Variants in FNDC1 observed in about 807,000 individuals in gnomAD.
FNDC1 encodes the protein fibronectin type III domain-containing protein 1.
A neutral mutation model predicts 168.0 loss-of-function variants in FNDC1; 96 were observed. That is an observed-to-expected ratio of 0.57 (90% CI 0.48 to 0.68). FNDC1 has a LOEUF of 0.68. FNDC1 is among the 30% of genes least tolerant of loss of function. The probability of loss-of-function intolerance (pLI) is 0.00; values close to 1 mark genes in which losing one functional copy is unlikely to be tolerated. For missense variants in FNDC1, 2,587 were observed against 2,482.1 expected, an observed-to-expected ratio of 1.04 and a Z score of -0.90; for synonymous variants, 1,099 against 1,025.9, an observed-to-expected ratio of 1.07 and a Z score of -1.36.
Position 159,239,710 on chromosome 6 carries a change from G to A in FNDC1, c.4374G>A (p.Thr1458=), listed in dbSNP as rs770147936. 40 of 1,548,638 alleles carry A rather than the reference G, an allele frequency of 2.6e-5. No individual in the cohort carries two copies. The highest frequency in any genetic ancestry group is 2.2e-4 in the African/African-American group (16 of 72,828). The change falls in exon 14 of 23, where the codon ACG becomes ACA. Residue 1458 remains threonine (T), a synonymous_variant. Coordinates refer to ENST00000297267, the MANE Select transcript of FNDC1 (RefSeq NM_032532.3). ...TTTMQPTTTT[T]PLPTTTTPRP... ...CCATGCAGCCCACCACTACTACGAC[G>A]CCCCTGCCTACCACTACAACCCCGA...
chr6:159,224,856 A>G (rs445227), intron 7 of FNDC1, among the ~76,000 whole-genome samples: 58,408 of 152,092 alleles, frequency 0.38, 14,358 homozygotes, highest in East Asian at 0.73. Context: ...AATAAATGGC[A>G]TTTGCAGCTC....
At chr6:159,225,513 A>T (rs941603044) in intron 7 of FNDC1, 22 bp from the exon 8 acceptor site, 1 of 1,582,372 alleles carries the variant, frequency 6.3e-7, no homozygotes, top group Non-Finnish European at 8.6e-7. Context: ...TGGACAGATC[A>T]TTGTGTTGTG....
chr6:159,233,178 T>C lies in FNDC1; in HGVS notation c.2666T>C (p.Val889Ala). The C allele has an allele frequency of 6.2e-7, 1 of 1,610,776 alleles. No homozygotes were observed. The highest frequency in any genetic ancestry group is 2.2e-5 in the East Asian group (1 of 44,752). ...GATGAGAAGCCGCTTCCTGCCACCG[T>C]TGTCAATGACCACGTGCCTTCCTCC... is the stretch of plus-strand genomic sequence containing the variant. ...EEDEKPLPAT[V>A]VNDHVPSSSR... The change falls in exon 11 of 23, where the codon GTT (valine) becomes GCT (alanine). Residue 889 changes from valine (V) to alanine (A), a missense_variant. Physicochemically the swap from Val to Ala is moderately conservative, Grantham distance 64 (BLOSUM62 0). Coordinates refer to ENST00000297267, the MANE Select transcript of FNDC1 (RefSeq NM_032532.3). This position sits in a 1 kb window ranked among gnomAD's most constrained non-coding sequence, Gnocchi z 4.6.
chr6:159,236,217 T>A lies in FNDC1; in HGVS notation c.3970T>A (p.Tyr1324Asn), dbSNP rs759681563. The change falls in exon 12 of 23, where the codon TAT (tyrosine) becomes AAT (asparagine). Residue 1324 changes from tyrosine to asparagine, a missense_variant and splice_region_variant. Transcript: ENST00000297267. The stretch of plus-strand genomic sequence containing the variant: ...TTTTTATTTTTGGTACTGTGTAGGT[T>A]ATAATGGCAGACCAAATGTAGAAGG... The part of the protein sequence containing the change: ...QPARPSYRQG[Y>N]NGRPNVEGKV... 1.2e-6 allele frequency: 2 copies of A among 1,611,904 alleles called. No individual in the cohort carries two copies. The highest frequency in any genetic ancestry group is 2.2e-5 in the East Asian group (1 of 44,860).
At position 159,232,978 on chromosome 6, in the gene FNDC1, C is replaced by G. The variant is rs746530256; in HGVS notation, c.2466C>G (p.His822Gln). The change falls in exon 11 of 23, where the codon CAC becomes CAG. Residue 822 changes from histidine (H) to glutamine (Q), a missense_variant. By Grantham distance (24) the His-to-Gln change is conservative. Coordinates refer to ENST00000297267, the MANE Select transcript of FNDC1 (RefSeq NM_032532.3). The surrounding 1 kb of genome is among the most constrained non-coding windows in gnomAD (Gnocchi z 4.9). The part of the protein sequence containing the change: ...PASGHFHLLR[H>Q]KPFAANGRSP... ...CTGGACACTTCCATTTGCTCAGACACAAACCCTTTGCTGCCAACGGGAGGT... is the reference window on the plus strand; with the variant it reads ...CTGGACACTTCCATTTGCTCAGACAGAAACCCTTTGCTGCCAACGGGAGGT... The G allele has an allele frequency of 1.2e-6, 2 of 1,611,944 alleles. No individual in the cohort carries two copies. Among genetic ancestry groups the G allele is most frequent in the African/African-American group, 1.3e-5 (1 of 74,928 alleles).
chr6:159,238,466 A>G, intron 12 of FNDC1, 88 bp from the exon 13 acceptor site: 1 of 767,152 alleles, frequency 1.3e-6, no homozygotes. Context: ...CTTCTGTGGA[A>G]GCTTCAGGGG....
rs114701993 is a variant in FNDC1 at position 159,197,784 on chromosome 6, G to A, written c.304+159G>A. 8.8e-3 allele frequency among the ~76,000 whole-genome samples: 1,348 copies of A among 152,350 alleles called. 20 individuals carry two copies. Among genetic ancestry groups the A allele is most frequent in the African/African-American group, 0.031 (1,287 of 41,566 alleles). The stretch of plus-strand genomic sequence containing the variant: ...CTGAGTTCTGAGATGCTTGTCGGAG[G>A]CTGCTGTTTGACAGCCGGTGTGGGA... On this transcript the variant is annotated intron_variant, in intron 2 of 22. Coordinates refer to ENST00000297267, the MANE Select transcript of FNDC1 (RefSeq NM_032532.3).
intron 6 of FNDC1, among the ~76,000 whole-genome samples, chr6:159,223,203 A>G (rs934908943): frequency 5.3e-5 from 8 of 151,972 alleles, no homozygotes; most frequent in Middle Eastern, 3.2e-3. Context: ...TCACTGTGTT[A>G]GCCAGGATGG....
intron 17 of FNDC1, among the ~76,000 whole-genome samples, chr6:159,252,249 A>T (rs1777283579): frequency 1.3e-5 from 2 of 152,162 alleles, no homozygotes; most frequent in South Asian, 4.1e-4. Flanking sequence ...TGAGCTGTGT[A>T]AGAGGAAGAA....
chr6:159,256,631 G>A lies in FNDC1; in HGVS notation c.5174G>A (p.Arg1725Lys). The A allele has an allele frequency of 6.3e-7, 1 of 1,599,434 alleles. No individual in the cohort carries two copies. The highest frequency in any genetic ancestry group is 1.7e-5 in the Admixed American group (1 of 59,854). Residue 1725 changes from arginine (R) to lysine (K), a missense_variant and splice_region_variant, in exon 18 of 23, where the codon AGG becomes AAG. Transcript: ENST00000297267. ...ATTGAGAACCTAAAGCCCAACACGA[G>A]GTACGATGTGTCAGTCATTTAGAAA... is the stretch of plus-strand genomic sequence containing the variant. ...LPIENLKPNT[R>K]YYFKVQAQNP... is the part of the protein sequence containing the mutation.
At chr6:159,216,109 G>A (rs1218899721) in intron 5 of FNDC1, among the ~76,000 whole-genome samples, 2 of 152,042 alleles carry the variant, frequency 1.3e-5, no homozygotes, top group Non-Finnish European at 2.9e-5. Flanking sequence ...CTACAGGCAC[G>A]TGCCACCACA....
Position 159,263,528 on chromosome 6 carries a change from C to T in FNDC1, c.5255-1447C>T, listed in dbSNP as rs566329116. Among the ~76,000 whole-genome samples the T allele has an allele frequency of 2.0e-3, 308 of 152,168 alleles. 1 individual carries two copies. Among genetic ancestry groups the T allele is most frequent in the African/African-American group, 6.9e-3 (285 of 41,512 alleles). ...CTGTAATCCCAGCACTTTGGGAGGCCGAGTCAGGCGGATCACGAGGTCATG... is the reference window on the plus strand; with the variant it reads ...CTGTAATCCCAGCACTTTGGGAGGCTGAGTCAGGCGGATCACGAGGTCATG... On this transcript the variant is annotated intron_variant, in intron 19 of 22. Transcript: ENST00000297267.
In FNDC1 at chr6:159,246,826, G is replaced by T. The variant is rs1044959311; in HGVS notation, c.4622-75G>T. On this transcript the variant is annotated intron_variant, in intron 14 of 22. Transcript: ENST00000297267. ...CTGCTTGAGGTGAATGAATTGTCAC[G>T]CTCTGGGGCCTGCTTCTGAGAGAAC... The T allele has an allele frequency of 1.2e-5, 12 of 1,026,966 alleles. No homozygotes were observed. The East Asian group carries it at 2.4e-4, about 20-fold the overall frequency. The allele number at this position is 1,026,966 out of a possible 1,614,324, so 63.6% of individuals were successfully genotyped here. A position where few individuals can be genotyped will look rare whatever the true frequency, so the allele number is the denominator to read the frequency against.
intron 5 of FNDC1, among the ~76,000 whole-genome samples, chr6:159,218,955 A>G (rs1225541204): frequency 1.3e-5 from 2 of 151,934 alleles, no homozygotes; most frequent in Non-Finnish European, 2.9e-5. Flanking sequence ...TTGAGGTCGG[A>G]AAGTGGGCAA....
rs774870702 is a variant in FNDC1 at position 159,251,360 on chromosome 6, A to G, written c.4893A>G (p.Ala1631=). ...CAGCCCCGTGCTCTCTGACTGATGC[A>G]CTGGATCACTTCCAAGTGGACAGCC... ...DPSAPCSLTD[A]LDHFQVDSLD... is the part of the protein sequence containing the mutation. Residue 1631 remains alanine, a synonymous_variant, in exon 17 of 23, where the codon GCA becomes GCG. Coordinates refer to ENST00000297267, the MANE Select transcript of FNDC1 (RefSeq NM_032532.3). The G allele has an allele frequency of 1.5e-5, 25 of 1,613,980 alleles. No homozygotes were observed. Among genetic ancestry groups the G allele is most frequent in the African/African-American group, 4.0e-5 (3 of 75,032 alleles).
intron 1 of FNDC1, among the ~76,000 whole-genome samples, chr6:159,187,554 G>A (rs1293837907): frequency 6.6e-6 from 1 of 152,160 alleles, no homozygotes; most frequent in Non-Finnish European, 1.5e-5. Flanking sequence ...GACCCAGGGG[G>A]TTCTTTTCAT....
chr6:159,201,817 A>C (rs1286872469), intron 4 of FNDC1, among the ~76,000 whole-genome samples: 3 of 152,212 alleles, frequency 2.0e-5, no homozygotes, highest in African/African-American at 7.2e-5. Flanking sequence ...TTTGAATCTT[A>C]TATTTTGTGT....
intron 17 of FNDC1, among the ~76,000 whole-genome samples, chr6:159,252,640 G>A (rs972701824): frequency 6.6e-6 from 1 of 152,188 alleles, no homozygotes; most frequent in African/African-American, 2.4e-5. Context: ...CGTGAAGTCT[G>A]TGGTGTTCCA....
chr6:159,246,665 C>T (rs562011660), intron 14 of FNDC1, among the ~76,000 whole-genome samples: 2 of 152,224 alleles, frequency 1.3e-5, no homozygotes, highest in Admixed American at 1.3e-4. Context: ...GGTGTTTGCT[C>T]CTAATGGGGC....
Sources: allele counts gnomAD v4.1 joint callset (sites outside exome capture counted in the v4.1 genomes callset), GRCh38; gene constraint gnomAD v4.1.1; non-coding constraint Gnocchi (gnomAD v3.1); transcripts MANE v1.5; gene names NCBI Gene and HGNC (gene_info 2026-07-23, HGNC 2026-07-21).